The following DOK6 variants were observed in gnomAD, a reference collection of about 807,000 sequenced individuals.
DOK6 encodes the protein downstream of tyrosine kinase 6.
Under a neutral mutation model 44.0 loss-of-function variants are expected in DOK6, and 22 were observed. That is an observed-to-expected ratio of 0.50 (90% CI 0.36 to 0.71). The LOEUF is 0.71. Ranked by LOEUF, DOK6 falls within the 30% of genes least tolerant of loss-of-function variation. The probability of loss-of-function intolerance (pLI) is 0.00; values close to 1 mark genes in which losing one functional copy is unlikely to be tolerated. For missense variants in DOK6, 340 were observed against 416.4 expected (o/e 0.82, Z 1.60); for synonymous variants, 166 against 145.5 (o/e 1.14, Z -1.01).
At chr18:69,652,121 C>T (rs1985245806) in intron 3 of DOK6, among the ~76,000 whole-genome samples, 1 of 152,090 alleles carries the variant, frequency 6.6e-6, no homozygotes, top group African/African-American at 2.4e-5. Flanking sequence ...TAAGGGTGTC[C>T]TTCTTTCATT....
chr18:69,478,408 TCTC>T (rs909455409), intron 1 of DOK6, among the ~76,000 whole-genome samples: 7 of 152,126 alleles, frequency 4.6e-5, no homozygotes, highest in African/African-American at 1.4e-4. Flanking sequence ...TCCCCTTCCT[TCTC>T]CTCCTTTTTC....
intron 4 of DOK6, 80 bp from the exon 5 acceptor site, chr18:69,698,323 GA>G: frequency 3.1e-6 from 4 of 1,305,650 alleles, no homozygotes; most frequent in Non-Finnish European, 4.2e-6. Flanking sequence ...GCAGTCTGTA[GA>G]TAAACAAATT....
chr18:69,533,638 T>G (rs941482262), intron 1 of DOK6, among the ~76,000 whole-genome samples: 1 of 142,536 alleles, frequency 7.0e-6, no homozygotes, highest in Non-Finnish European at 1.5e-5. Flanking sequence ...AATAGAAAAC[T>G]TATGTACTTA....
chr18:69,744,701 G>C (rs1216235850), intron 6 of DOK6, among the ~76,000 whole-genome samples: 1 of 152,012 alleles, frequency 6.6e-6, no homozygotes, highest in East Asian at 1.9e-4. Context: ...GAGGCGGACA[G>C]ATCACTTGAG....
intron 1 of DOK6, among the ~76,000 whole-genome samples, chr18:69,546,347 T>C (rs955410943): frequency 2.0e-5 from 3 of 151,174 alleles, no homozygotes; most frequent in African/African-American, 7.3e-5. Context: ...TATGCATAAA[T>C]ATAAATGGCT....
At chr18:69,657,231 C>T (rs1192465318) in intron 3 of DOK6, among the ~76,000 whole-genome samples, 1 of 152,198 alleles carries the variant, frequency 6.6e-6, no homozygotes, top group Non-Finnish European at 1.5e-5. Flanking sequence ...ATTATTGTTC[C>T]TCATGCCTGC....
chr18:69,450,727 C>A (rs1296206592), intron 1 of DOK6, among the ~76,000 whole-genome samples: 1 of 149,714 alleles, frequency 6.7e-6, no homozygotes, highest in South Asian at 2.1e-4. Context: ...AGAAACCCTA[C>A]AAGCCAGAAG....
rs558562468 is a variant in DOK6 at position 69,749,302 on chromosome 18, A to C, written c.739-8454A>C. Among the ~76,000 whole-genome samples the C allele has an allele frequency of 2.8e-4, 43 of 152,296 alleles. 1 individual carries two copies. Among genetic ancestry groups the C allele is most frequent in the African/African-American group, 8.4e-4 (35 of 41,576 alleles). On this transcript the variant is annotated intron_variant, in intron 6 of 7. Transcript: ENST00000382713. ...ATCCTGCACCTGTACCCCAGAACTT[A>C]AAAATGAACATTTAAAAAAATGAAG...
intron 1 of DOK6, among the ~76,000 whole-genome samples, chr18:69,500,179 C>T (rs1009093772): frequency 6.6e-6 from 1 of 152,146 alleles, no homozygotes; most frequent in Non-Finnish European, 1.5e-5. Flanking sequence ...TGTCAGTCTA[C>T]TATTTTCCAC....
At chr18:69,589,598 A>G (rs1983579955) in intron 2 of DOK6, among the ~76,000 whole-genome samples, 1 of 152,168 alleles carries the variant, frequency 6.6e-6, no homozygotes, top group Non-Finnish European at 1.5e-5. Context: ...ATTAAAGCTA[A>G]TAATTATAGT....
chr18:69,551,875 G>A (rs1982574246), intron 1 of DOK6, among the ~76,000 whole-genome samples: 1 of 152,070 alleles, frequency 6.6e-6, no homozygotes, highest in Non-Finnish European at 1.5e-5. Context: ...GATTATTAAT[G>A]TTCTTACGTT....
intron 1 of DOK6, among the ~76,000 whole-genome samples, chr18:69,500,132 C>A (rs141160055): frequency 5.3e-4 from 80 of 152,214 alleles, no homozygotes; most frequent in African/African-American, 1.9e-3. Context: ...TTGTGTAAGC[C>A]CTTCTTCATG....
chr18:69,447,177 T>C (rs1381715908), intron 1 of DOK6, among the ~76,000 whole-genome samples: 1 of 152,250 alleles, frequency 6.6e-6, no homozygotes, highest in Non-Finnish European at 1.5e-5. Flanking sequence ...CTAGGGTTTT[T>C]ATGGTTTTAG....
At chr18:69,510,555 C>G (rs545097095) in intron 1 of DOK6, among the ~76,000 whole-genome samples, 85 of 152,178 alleles carry the variant, frequency 5.6e-4, no homozygotes, top group Middle Eastern at 3.4e-3. Flanking sequence ...TTAATTTTTT[C>G]TATGATTTTA....
At chr18:69,629,410 C>G (rs1054044289) in intron 3 of DOK6, among the ~76,000 whole-genome samples, 1 of 152,122 alleles carries the variant, frequency 6.6e-6, no homozygotes, top group African/African-American at 2.4e-5. Flanking sequence ...TGACATGTTG[C>G]ACATCCCACA....
At chr18:69,839,048 TCTCCCTAGCTCCACTCCTA>T (rs1315754884) in intron 7 of DOK6, among the ~76,000 whole-genome samples, 1 of 131,896 alleles carries the variant, frequency 7.6e-6, no homozygotes, top group African/African-American at 2.9e-5. Context: ...ACTCCTAGTC[TCTCCCTAGCTCCACTCCTA>T]GTCTCTCCCT....
chr18:69,731,644 T>G (rs1296165992), intron 5 of DOK6, among the ~76,000 whole-genome samples: 2 of 152,140 alleles, frequency 1.3e-5, no homozygotes, highest in East Asian at 3.8e-4. Context: ...TACACATGAT[T>G]ACACATGTTC....
chr18:69,578,208 C>A (rs1453159891), intron 2 of DOK6, among the ~76,000 whole-genome samples: 1 of 151,874 alleles, frequency 6.6e-6, no homozygotes, highest in Non-Finnish European at 1.5e-5. Flanking sequence ...TCCATTTTTT[C>A]TTTTGTAAAG....
At chr18:69,756,607 T>A (rs912201475) in intron 6 of DOK6, among the ~76,000 whole-genome samples, 1 of 152,230 alleles carries the variant, frequency 6.6e-6, no homozygotes, top group African/African-American at 2.4e-5. Context: ...TAGTTTTATG[T>A]GGCCTTGAAC....
Sources: allele counts gnomAD v4.1 joint callset (sites outside exome capture counted in the v4.1 genomes callset), GRCh38; gene constraint gnomAD v4.1.1; transcripts MANE v1.5; gene names NCBI Gene and HGNC (gene_info 2026-07-23, HGNC 2026-07-21).